DNHD1: variants seen among roughly 807,000 people sequenced by gnomAD.
DNHD1 encodes dynein heavy chain domain 1.
Under a neutral mutation model 458.1 loss-of-function variants are expected in DNHD1, and 383 were observed. The ratio of observed to expected loss-of-function variants is 0.84; its 90% CI spans 0.77 to 0.91. The LOEUF (loss-of-function observed/expected upper bound fraction) is 0.91. Ranked by LOEUF, DNHD1 falls within the 40% of genes least tolerant of loss-of-function variation. The pLI is 0.00. For synonymous variants in DNHD1, 2,203 were observed against 2,376.9 expected, an observed-to-expected ratio of 0.93 and a Z score of 2.13; for missense variants, 5,336 against 5,866.1, an observed-to-expected ratio of 0.91 and a Z score of 2.95.
intron 18 of DNHD1, among the ~76,000 whole-genome samples, chr11:6,543,521 G>A (rs984611034): frequency 4.7e-5 from 7 of 150,276 alleles, no homozygotes; most frequent in Admixed American, 1.3e-4. Flanking sequence ...ATGGAGTTAC[G>A]TGGATACTCA....
At chr11:6,523,528 T>C (rs1852647317) in intron 10 of DNHD1, among the ~76,000 whole-genome samples, 1 of 152,174 alleles carries the variant, frequency 6.6e-6, no homozygotes, top group South Asian at 2.1e-4. Context: ...AAACCTATAG[T>C]AAAGATCTGT....
intron 11 of DNHD1, 21 bp from the exon 12 acceptor site, chr11:6,528,856 TA>T: frequency 6.4e-7 from 1 of 1,551,316 alleles, no homozygotes; most frequent in South Asian, 1.2e-5. Flanking sequence ...GCCTCTGCCC[TA>T]AACACCTTGT....
intron 13 of DNHD1, 108 bp from the exon 14 acceptor site, chr11:6,533,573 A>C (rs1852876585): frequency 7.3e-7 from 1 of 1,369,696 alleles, no homozygotes; most frequent in Non-Finnish European, 9.7e-7. Flanking sequence ...CAAGGCTGCA[A>C]CTGGGTCTGG....
intron 4 of DNHD1, among the ~76,000 whole-genome samples, chr11:6,507,007 C>G (rs184895094): frequency 6.6e-6 from 1 of 152,272 alleles, no homozygotes; most frequent in Non-Finnish European, 1.5e-5. Flanking sequence ...CAGGTGCAAG[C>G]AAGATGGAGT....
At chr11:6,560,360 G>A in intron 28 of DNHD1, among the ~76,000 whole-genome samples, 1 of 152,164 alleles carries the variant, frequency 6.6e-6, no homozygotes, top group East Asian at 1.9e-4. Flanking sequence ...GGTTTTCACT[G>A]TGTTTTACAT....
rs779735075 is a variant in DNHD1, at chr11:6,539,977, G to GC, written c.3523dup (p.His1175ProfsTer29). 6.4e-6 allele frequency: 10 copies of GC among 1,551,634 alleles called. No individual in the cohort carries two copies. The South Asian group carries it at 1.2e-4, about 18-fold the overall frequency. On this transcript the variant is annotated frameshift_variant, in exon 18 of 43. Transcript: ENST00000254579. ...AGCTGCGCCTGCTCAACTTCATCCTGCATGTACCCTACGAGCCCCCAGCCT... is the reference window on the plus strand; with the variant it reads ...AGCTGCGCCTGCTCAACTTCATCCTGCCATGTACCCTACGAGCCCCCAGCCT...
intron 10 of DNHD1, among the ~76,000 whole-genome samples, chr11:6,523,164 A>ATTTTAATT (rs1852637237): frequency 6.6e-6 from 1 of 152,240 alleles, no homozygotes; most frequent in East Asian, 1.9e-4. Context: ...TTACACTGAA[A>ATTTTAATT]AGAGACAAAG....
Position 6,545,563 on chromosome 11 carries a change from A to C in DNHD1, c.4624A>C (p.Lys1542Gln), listed in dbSNP as rs1012053403. The change falls in exon 21 of 43, where the codon AAG becomes CAG. Residue 1542 changes from lysine to glutamine, a missense_variant. Physicochemically the swap from Lys to Gln is moderately conservative, Grantham distance 53 (BLOSUM62 1). Coordinates refer to ENST00000254579, the MANE Select transcript of DNHD1 (RefSeq NM_144666.3). The surrounding 1 kb of genome is among the most constrained non-coding windows in gnomAD (Gnocchi z 4.9). ...TLAMVSMHMR[K>Q]LEVLVNFMRA... The stretch of plus-strand genomic sequence containing the variant: ...GGCCATGGTCTCCATGCATATGCGC[A>C]AGCTTGAGGTACTGGTGAATTTTAT... 1 of 1,552,040 alleles carries C rather than the reference A, an allele frequency of 6.4e-7. No individual in the cohort carries two copies. Among genetic ancestry groups the C allele is most frequent in the Admixed American group, 2.0e-5 (1 of 51,010 alleles).
chr11:6,517,081 G>T (rs1481019977), intron 7 of DNHD1, among the ~76,000 whole-genome samples: 2 of 152,176 alleles, frequency 1.3e-5, no homozygotes, highest in Non-Finnish European at 2.9e-5. Context: ...TCTGGCAAGG[G>T]CTCAGTCCTC....
chr11:6,548,273 G>A lies in DNHD1; in HGVS notation c.6969G>A (p.Glu2323=). ...TTAGTCGCCTCTCCAACTACCCTGA[G>A]CCACCACCCTCAGCCTTGGTGTTTG... is the stretch of plus-strand genomic sequence containing the variant. The part of the protein sequence containing the change: ...DSISRLSNYP[E]PPPSALVFDL... The change falls in exon 23 of 43, where the codon GAG becomes GAA. Residue 2323 remains glutamate (E), a synonymous_variant. Coordinates refer to ENST00000254579, the MANE Select transcript of DNHD1 (RefSeq NM_144666.3). The surrounding 1 kb of genome is among the most constrained non-coding windows in gnomAD (Gnocchi z 4.4). 1 of 1,551,678 alleles carries A rather than the reference G, an allele frequency of 6.4e-7. No individual in the cohort carries two copies. Among genetic ancestry groups the A allele is most frequent in the Non-Finnish European group, 8.7e-7 (1 of 1,146,992 alleles).
chr11:6,501,374 A>G (rs571258758), intron 3 of DNHD1, among the ~76,000 whole-genome samples: 206 of 151,780 alleles, frequency 1.4e-3, no homozygotes, highest in African/African-American at 4.6e-3. Flanking sequence ...TGCTCAATAA[A>G]TATTCGTAGA....
At chr11:6,532,644 AG>A (rs1326576600) in intron 12 of DNHD1, among the ~76,000 whole-genome samples, 2 of 152,128 alleles carry the variant, frequency 1.3e-5, no homozygotes, top group Non-Finnish European at 2.9e-5. Flanking sequence ...CCTTCTCTGA[AG>A]GGGCCTTGCC....
In DNHD1 at chr11:6,547,277, G is replaced by A. The variant is rs1270378776; in HGVS notation, c.6338G>A (p.Gly2113Glu). The A allele has an allele frequency of 5.2e-6, 8 of 1,551,684 alleles. No individual in the cohort carries two copies. The highest frequency in any genetic ancestry group is 1.4e-5 in the African/African-American group (1 of 73,048). ...CTTCCCCAGCTTAGTCTCCCCAGTG[G>A]ACAGCAGATAGCACGACCCCCAGGC... ...SELPQLSLPS[G>E]QQIARPPGTF... The change falls in exon 21 of 43, where the codon GGA becomes GAA. Residue 2113 changes from glycine (G) to glutamate (E), a missense_variant. Physicochemically the swap from Gly to Glu is moderately conservative, Grantham distance 98 (BLOSUM62 -2). This residue lies in a region of DNHD1 where 3,932 missense variants were observed against 4,365.6 expected (regional missense o/e 0.90). Coordinates refer to ENST00000254579, the MANE Select transcript of DNHD1 (RefSeq NM_144666.3).
At chr11:6,558,867 C>G (rs1177632786) in intron 26 of DNHD1, 35 bp from the exon 27 acceptor site, 1 of 1,549,022 alleles carries the variant, frequency 6.5e-7, no homozygotes, top group Non-Finnish European at 8.7e-7. Flanking sequence ...TTCCTACAAG[C>G]TCACAGAGTG....
rs775589703 is a variant in DNHD1, at chr11:6,547,520, C to T, written c.6581C>T (p.Thr2194Ile). 1.9e-6 allele frequency: 3 copies of T among 1,551,280 alleles called. No homozygotes were observed. Among genetic ancestry groups the T allele is most frequent in the Non-Finnish European group, 2.6e-6 (3 of 1,146,598 alleles). Residue 2194 changes from threonine (T) to isoleucine (I), a missense_variant, in exon 21 of 43, where the codon ACC (threonine) becomes ATC (isoleucine). Coordinates refer to ENST00000254579, the MANE Select transcript of DNHD1 (RefSeq NM_144666.3). Reference sequence around the variant, plus strand: ...GTGCCTGCAACATTGCGATTCCTCACCTGCCAAGGTGTCAGCTCTCTGCTG... The same window carrying T: ...GTGCCTGCAACATTGCGATTCCTCATCTGCCAAGGTGTCAGCTCTCTGCTG... ...VLVPATLRFL[T>I]CQGVSSLLQV...
chr11:6,521,934 C>T (rs1008630503), intron 10 of DNHD1, among the ~76,000 whole-genome samples: 3 of 152,090 alleles, frequency 2.0e-5, no homozygotes, highest in African/African-American at 4.8e-5. Flanking sequence ...CGAGGCTGGT[C>T]GTGAACTCCT....
intron 10 of DNHD1, among the ~76,000 whole-genome samples, chr11:6,521,030 C>T (rs995838778): frequency 1.3e-5 from 2 of 152,172 alleles, no homozygotes; most frequent in Non-Finnish European, 2.9e-5. Flanking sequence ...AGTTGGGGCA[C>T]ATTGTTTTCT....
intron 28 of DNHD1, among the ~76,000 whole-genome samples, chr11:6,561,886 G>C (rs1853596000): frequency 1.3e-5 from 2 of 152,180 alleles, no homozygotes; most frequent in Non-Finnish European, 2.9e-5. Context: ...TAGCGTGCTA[G>C]GAGAGAGAAA....
chr11:6,557,398 G>T lies in DNHD1; in HGVS notation c.8103G>T (p.Glu2701Asp). The T allele has an allele frequency of 2.6e-6, 4 of 1,551,132 alleles. No individual in the cohort carries two copies. Among genetic ancestry groups the T allele is most frequent in the Non-Finnish European group, 3.5e-6 (4 of 1,147,106 alleles). ...ATCAGGAGAGTGAGGAGGAGGAGGA[G>T]GAGGAGAGGGTGCCCGAAGTAGAAT... ...KDHQESEEEE[E>D]EERVPEVESE... Residue 2701 changes from glutamate (E) to aspartate (D), a missense_variant, in exon 25 of 43, where the codon GAG becomes GAT. This residue lies in a region of DNHD1 where 3,932 missense variants were observed against 4,365.6 expected (regional missense o/e 0.90). Coordinates refer to ENST00000254579, the MANE Select transcript of DNHD1 (RefSeq NM_144666.3).
Sources: gnomAD v4.1 joint callset for allele counts (sites outside exome capture counted in the v4.1 genomes callset) on GRCh38, gnomAD v4.1.1 for gene constraint, gnomAD v4.1.1 regional missense constraint, Gnocchi (gnomAD v3.1) non-coding constraint, MANE v1.5 for transcripts, NCBI Gene and HGNC (gene_info 2026-07-23, HGNC 2026-07-21) for gene names.